The following GFRAL variants were observed in gnomAD, a reference collection of about 807,000 sequenced individuals.
GFRAL encodes the protein GDNF family receptor alpha-like.
In GFRAL, 36 loss-of-function variants were observed where a neutral mutation model predicts 45.4. The observed-to-expected ratio is 0.79, with a 90% confidence interval of 0.61 to 1.05. The LOEUF is 1.05. Ranked by LOEUF, GFRAL falls within the 50% of genes least tolerant of loss-of-function variation. The pLI, the probability that GFRAL is intolerant of heterozygous loss-of-function variation, is 0.00. For synonymous variants in GFRAL, 166 were observed against 154.1 expected, an observed-to-expected ratio of 1.08 and a Z score of -0.57; for missense variants, 507 against 467.5, an observed-to-expected ratio of 1.08 and a Z score of -0.78.
intron 6 of GFRAL, among the ~76,000 whole-genome samples, chr6:55,386,159 A>G (rs1768679234): frequency 6.6e-6 from 1 of 152,094 alleles, no homozygotes; most frequent in Non-Finnish European, 1.5e-5. Context: ...GAGATTTGGG[A>G]TAAAAGAGTT....
At chr6:55,395,175 A>AAAAAAAATATATATATATATATATAT in intron 6 of GFRAL, among the ~76,000 whole-genome samples, 6 of 123,478 alleles carry the variant, frequency 4.9e-5, no homozygotes, top group African/African-American at 3.5e-5. Context: ...AAAAAAAAAA[A>AAAAAAAATATATATATATATATATAT]ATATATATAT....
intron 6 of GFRAL, among the ~76,000 whole-genome samples, chr6:55,359,824 A>G (rs1186849045): frequency 6.6e-6 from 1 of 152,024 alleles, no homozygotes; most frequent in Non-Finnish European, 1.5e-5. Flanking sequence ...AAAGCAAATC[A>G]CAATGGCCAA....
chr6:55,390,925 CACACACACAA>C (rs1475555699), intron 6 of GFRAL, among the ~76,000 whole-genome samples: 1 of 151,654 alleles, frequency 6.6e-6, no homozygotes, highest in African/African-American at 2.4e-5. Flanking sequence ...CACACACACA[CACACACACAA>C]GTAGTGGTCT....
At chr6:55,363,302 C>A (rs147175009) in intron 6 of GFRAL, among the ~76,000 whole-genome samples, 221 of 152,076 alleles carry the variant, frequency 1.5e-3, no homozygotes, top group African/African-American at 5.3e-3. Context: ...AAACATGTCT[C>A]CTTTACTCTG....
intron 6 of GFRAL, among the ~76,000 whole-genome samples, chr6:55,378,139 C>T (rs148588234): frequency 3.1e-4 from 47 of 152,030 alleles, no homozygotes; most frequent in African/African-American, 9.4e-4. Flanking sequence ...CCCCACATTT[C>T]GTGCTTCAGT....
chr6:55,366,198 T>A lies in GFRAL; in HGVS notation c.952+7060T>A, dbSNP rs201578608. On this transcript the variant is annotated intron_variant, in intron 6 of 8. Coordinates refer to ENST00000340465, the MANE Select transcript of GFRAL (RefSeq NM_207410.2). ...GTGTATGTGTCGAGGAATTTATCCA[T>A]TTCTTCTAGATTTTCTAGTTTATTT... 9.0e-4 allele frequency among the ~76,000 whole-genome samples: 136 copies of A among 151,954 alleles called. No homozygotes were observed. In the East Asian group the frequency reaches 0.018, roughly 20 times the overall value.
At chr6:55,372,579 C>T (rs1768465517) in intron 6 of GFRAL, among the ~76,000 whole-genome samples, 1 of 152,120 alleles carries the variant, frequency 6.6e-6, no homozygotes, top group African/African-American at 2.4e-5. Flanking sequence ...CTTCCCTACT[C>T]AGCAGAGGAT....
chr6:55,381,691 C>T lies in GFRAL; in HGVS notation c.953-17489C>T, dbSNP rs570505347. On this transcript the variant is annotated intron_variant, in intron 6 of 8. Transcript: ENST00000340465. ...TGTGTAAAATGACTTAATAAAGGTT[C>T]GAACTCACTTTTGTAATTACATGTT... is the stretch of plus-strand genomic sequence containing the variant. Among the ~76,000 whole-genome samples, 14 of 151,854 alleles carry T rather than the reference C, an allele frequency of 9.2e-5. 1 individual carries two copies. Among genetic ancestry groups the T allele is most frequent in the African/African-American group, 2.9e-4 (12 of 41,476 alleles).
intron 8 of GFRAL, 58 bp from the exon 9 acceptor site, chr6:55,401,732 C>T (rs1037351691): frequency 3.0e-6 from 3 of 998,636 alleles, no homozygotes; most frequent in Non-Finnish European, 3.2e-6. Flanking sequence ...CACACACAAG[C>T]ACATTTGTGA....
At chr6:55,388,201 A>G (rs1265448036) in intron 6 of GFRAL, among the ~76,000 whole-genome samples, 1 of 152,148 alleles carries the variant, frequency 6.6e-6, no homozygotes, top group Non-Finnish European at 1.5e-5. Flanking sequence ...GTGGCCAGAC[A>G]TTAACTGTAG....
At chr6:55,367,242 T>A (rs949435683) in intron 6 of GFRAL, among the ~76,000 whole-genome samples, 12 of 129,812 alleles carry the variant, frequency 9.2e-5, no homozygotes, top group Non-Finnish European at 1.5e-4. Context: ...AAGTCTGTTT[T>A]ATCAGAGACT....
At chr6:55,394,802 A>C (rs902021395) in intron 6 of GFRAL, among the ~76,000 whole-genome samples, 1 of 152,094 alleles carries the variant, frequency 6.6e-6, no homozygotes, top group Non-Finnish European at 1.5e-5. Context: ...CACATTCAAC[A>C]ATACTGAAAA....
intron 6 of GFRAL, among the ~76,000 whole-genome samples, chr6:55,395,893 C>T (rs1768818807): frequency 6.6e-6 from 1 of 151,934 alleles, no homozygotes; most frequent in African/African-American, 2.4e-5. Flanking sequence ...ATCTTGATTT[C>T]CCATCAAATG....
chr6:55,375,594 G>T (rs765668367), intron 6 of GFRAL, among the ~76,000 whole-genome samples: 2 of 151,894 alleles, frequency 1.3e-5, no homozygotes, highest in African/African-American at 4.8e-5. Context: ...CTTCCTATTT[G>T]AATACACTTT....
intron 1 of GFRAL, 91 bp downstream of exon 1, chr6:55,327,667 C>A: frequency 8.3e-7 from 1 of 1,201,164 alleles, no homozygotes; most frequent in Non-Finnish European, 1.2e-6. Context: ...TTAACAGGGG[C>A]TTATAATATG....
chr6:55,381,831 C>T (rs910816608), intron 6 of GFRAL, among the ~76,000 whole-genome samples: 1 of 151,888 alleles, frequency 6.6e-6, no homozygotes, highest in Non-Finnish European at 1.5e-5. Flanking sequence ...ACTCCTCTCT[C>T]TCTCTCTTTC....
At chr6:55,383,930 TCATAAA>T (rs1294931690) in intron 6 of GFRAL, among the ~76,000 whole-genome samples, 1 of 151,996 alleles carries the variant, frequency 6.6e-6, no homozygotes, top group Non-Finnish European at 1.5e-5. Context: ...CTTACTTAAA[TCATAAA>T]CATAGCATAC....
At chr6:55,351,624 C>T in intron 5 of GFRAL, 41 bp downstream of exon 5, 6 of 1,463,114 alleles carry the variant, frequency 4.1e-6, no homozygotes, top group Non-Finnish European at 5.6e-6. Flanking sequence ...TATTTCGGCA[C>T]CTTATTTGTT....
intron 1 of GFRAL, among the ~76,000 whole-genome samples, chr6:55,328,989 T>G (rs1767798351): frequency 6.6e-6 from 1 of 152,048 alleles, no homozygotes; most frequent in Admixed American, 6.6e-5. Flanking sequence ...AGTAGGATAA[T>G]AAGCCCCATA....
Sources: gnomAD v4.1 joint callset for allele counts (sites outside exome capture counted in the v4.1 genomes callset) on GRCh38, gnomAD v4.1.1 for gene constraint, MANE v1.5 for transcripts, NCBI Gene and HGNC (gene_info 2026-07-23, HGNC 2026-07-21) for gene names.